The following CCDC30 variants were observed in gnomAD, a reference collection of about 807,000 sequenced individuals.
CCDC30 encodes coiled-coil domain containing 30, also known as coiled-coil domain-containing protein 30.
Under a neutral mutation model 100.2 loss-of-function variants are expected in CCDC30, and 70 were observed. The observed-to-expected ratio is 0.70, with a 90% CI of 0.58 to 0.85. CCDC30 has a LOEUF of 0.85. Among genes scored for constraint, CCDC30 ranks in the 40% least tolerant of loss-of-function variants. The probability of loss-of-function intolerance (pLI) is 0.00; values close to 1 mark genes in which losing one functional copy is unlikely to be tolerated. For synonymous variants in CCDC30, 233 were observed against 269.5 expected (o/e 0.86, Z 1.33); for missense variants, 652 against 771.2 (o/e 0.85, Z 1.83).
At chr1:42,584,935 AT>A (rs1385529617) in intron 9 of CCDC30, among the ~76,000 whole-genome samples, 3 of 152,052 alleles carry the variant, frequency 2.0e-5, no homozygotes, top group Non-Finnish European at 2.9e-5. Flanking sequence ...CTCTCCTTCA[AT>A]TTTTTTTGGA....
At chr1:42,492,754 T>G (rs1644165424) in intron 4 of CCDC30, among the ~76,000 whole-genome samples, 1 of 152,044 alleles carries the variant, frequency 6.6e-6, no homozygotes, top group African/African-American at 2.4e-5. Flanking sequence ...TTCAAGCAAT[T>G]CTCTGCCTCA....
chr1:42,653,843 T>C, exon 17 of CCDC30: 1 of 1,614,002 alleles, frequency 6.2e-7, no homozygotes, highest in Non-Finnish European at 8.5e-7. Flanking sequence ...TTTGGTAGAG[T>C]CATTTGCAAG....
At chr1:42,572,557 A>G (rs995703959) in intron 7 of CCDC30, among the ~76,000 whole-genome samples, 1 of 152,104 alleles carries the variant, frequency 6.6e-6, no homozygotes, top group Non-Finnish European at 1.5e-5. Flanking sequence ...CTGATTTAAT[A>G]TCTTACTACT....
chr1:42,608,850 G>A (rs1646561503), intron 10 of CCDC30, among the ~76,000 whole-genome samples: 1 of 151,860 alleles, frequency 6.6e-6, no homozygotes, highest in African/African-American at 2.4e-5. Flanking sequence ...GCCACATGAT[G>A]AGGAAGAAAA....
chr1:42,491,250 A>G (rs1352832989), intron 4 of CCDC30, among the ~76,000 whole-genome samples: 1 of 152,240 alleles, frequency 6.6e-6, no homozygotes, highest in Non-Finnish European at 1.5e-5. Context: ...AGAAAATTTT[A>G]CCAGAATACA....
At chr1:42,510,783 G>C (rs1644465784) in intron 6 of CCDC30, among the ~76,000 whole-genome samples, 1 of 152,062 alleles carries the variant, frequency 6.6e-6, no homozygotes, top group Admixed American at 6.5e-5. Context: ...CCCCAAATAA[G>C]GGGGATCCTC....
intron 3 of CCDC30, among the ~76,000 whole-genome samples, chr1:42,486,807 T>A (rs796136292): frequency 2.0e-5 from 3 of 152,222 alleles, no homozygotes; most frequent in African/African-American, 7.2e-5. Flanking sequence ...CTCCTGACAC[T>A]CATATGATAG....
In CCDC30 at chr1:42,596,727, TA is replaced by T. The variant is rs1420797149; in HGVS notation, c.1164+7248del. ...ATCAAGAAAAAATTACAAGACACGC[TA>T]AAAGGCAAAAAAACAAACAAACAAA... is the stretch of plus-strand genomic sequence containing the variant. On this transcript the variant is annotated intron_variant, in intron 10 of 16. Coordinates refer to ENST00000668663, the Ensembl canonical transcript of CCDC30. This position sits in a 1 kb window ranked among gnomAD's most constrained non-coding sequence, Gnocchi z 4.3. Among the ~76,000 whole-genome samples, 3 of 138,898 alleles carry T rather than the reference TA, an allele frequency of 2.2e-5. No homozygotes were observed. In the Admixed American group the frequency reaches 2.2e-4, roughly 10 times the overall value. The allele number at this position is 138,898 out of a possible 152,430, so 91.1% of individuals were successfully genotyped here.
intron 6 of CCDC30, chr1:42,556,373 T>C: frequency 2.5e-6 from 4 of 1,613,844 alleles, no homozygotes; most frequent in Non-Finnish European, 3.4e-6. Context: ...GTCTCAGAGC[T>C]CTGGGGATAG....
At chr1:42,578,556 T>C (rs762424454) in intron 8 of CCDC30, among the ~76,000 whole-genome samples, 2 of 152,166 alleles carry the variant, frequency 1.3e-5, no homozygotes. Context: ...ATTGGTAAAA[T>C]TGGTAAAGAT....
At chr1:42,532,622 T>C (rs1243625697) in intron 6 of CCDC30, among the ~76,000 whole-genome samples, 2 of 152,172 alleles carry the variant, frequency 1.3e-5, no homozygotes, top group African/African-American at 4.8e-5. Context: ...GCGTTAGAAA[T>C]AGACCTTGGA....
intron 7 of CCDC30, among the ~76,000 whole-genome samples, chr1:42,574,122 C>T (rs1645787361): frequency 6.6e-6 from 1 of 152,098 alleles, no homozygotes; most frequent in Admixed American, 6.6e-5. Context: ...ATCCTAGCCT[C>T]TTAAAATAAA....
At chr1:42,599,017 A>C (rs1199447404) in intron 10 of CCDC30, among the ~76,000 whole-genome samples, 1 of 152,252 alleles carries the variant, frequency 6.6e-6, no homozygotes, top group Non-Finnish European at 1.5e-5. Context: ...AAGGGAAACA[A>C]AATATAGATC....
chr1:42,480,108 T>C (rs1186005888), intron 1 of CCDC30, among the ~76,000 whole-genome samples: 1 of 152,158 alleles, frequency 6.6e-6, no homozygotes, highest in African/African-American at 2.4e-5. Context: ...GCAATAAATT[T>C]ATCTCACACC....
intron 6 of CCDC30, among the ~76,000 whole-genome samples, chr1:42,526,293 G>T (rs146746202): frequency 6.6e-6 from 1 of 152,246 alleles, no homozygotes; most frequent in East Asian, 1.9e-4. Flanking sequence ...ACTCTTCCAT[G>T]TGTAAGGGTG....
intron 7 of CCDC30, among the ~76,000 whole-genome samples, chr1:42,574,656 T>C (rs987624155): frequency 6.6e-6 from 1 of 152,162 alleles, no homozygotes; most frequent in African/African-American, 2.4e-5. Context: ...TTAGAGTAAA[T>C]ATAGTATAGA....
chr1:42,466,655 G>A (rs1023618706), intron 1 of CCDC30, among the ~76,000 whole-genome samples: 3 of 151,486 alleles, frequency 2.0e-5, no homozygotes, highest in Non-Finnish European at 4.4e-5. Flanking sequence ...GGGTTCCAGC[G>A]ATTCTCCTGC....
chr1:42,641,992 A>T (rs536809292), intron 12 of CCDC30, among the ~76,000 whole-genome samples: 2 of 152,130 alleles, frequency 1.3e-5, no homozygotes, highest in Non-Finnish European at 2.9e-5. Context: ...TTGGGAGGCC[A>T]AGGTGGGCGG....
chr1:42,456,950 G>C, the CCDC30 span: 1 of 1,605,866 alleles, frequency 6.2e-7, no homozygotes, highest in Non-Finnish European at 8.5e-7. Flanking sequence ...TCCGGGTTTT[G>C]CTGAGGCTCT....
Sources: allele counts gnomAD v4.1 joint callset (sites outside exome capture counted in the v4.1 genomes callset), GRCh38; gene constraint gnomAD v4.1.1; non-coding constraint Gnocchi (gnomAD v3.1); transcripts MANE v1.5; gene names NCBI Gene and HGNC (gene_info 2026-07-23, HGNC 2026-07-21).